The following TEKT5 variants were observed in gnomAD, a reference collection of about 807,000 sequenced individuals.
TEKT5 encodes the protein tektin 5, also known as tektin-5.
TEKT5 carries 52 observed loss-of-function variants against 48.7 expected under a neutral mutation model. The ratio of observed to expected loss-of-function variants is 1.07; its 90% CI spans 0.86 to 1.35. The LOEUF (loss-of-function observed/expected upper bound fraction) is 1.35. Ranked by LOEUF, TEKT5 falls within the 40% of genes most tolerant of loss-of-function variation. The pLI is 0.00. For missense variants in TEKT5, 831 were observed against 641.6 expected (o/e 1.30, Z -3.19); for synonymous variants, 318 against 267.6 (o/e 1.19, Z -1.84).
chr16:10,655,476 T>C lies in TEKT5; in HGVS notation c.1087-19558A>G, dbSNP rs73510045. On this transcript the variant is annotated intron_variant, in intron 5 of 6. Transcript: ENST00000283025. ...CCATATAGGATTATTGTGAGGGTTA[T>C]GTAAGATTATGTATGTTTATATGTT... 1.9e-3 allele frequency among the ~76,000 whole-genome samples: 293 copies of C among 152,356 alleles called. 4 individuals are homozygous for C. The highest frequency in any genetic ancestry group is 6.9e-3 in the African/African-American group (287 of 41,580).
At position 10,627,660 on chromosome 16, in the gene TEKT5, G is replaced by A; in HGVS notation, c.1381C>T (p.Leu461Phe). ...ATGCACTTCTCCTTGTCGATGCAGA[G>A]GGTGTTGGCCTTGATGGCGAGCTCG... ...EHELAIKANT[L>F]CIDKEKCMGM... Residue 461 changes from leucine to phenylalanine, a missense_variant, in exon 7 of 7, where the codon CTC becomes TTC. By Grantham distance (22) the Leu-to-Phe change is conservative. Coordinates refer to ENST00000283025, the MANE Select transcript of TEKT5 (RefSeq NM_144674.2). 6.2e-7 allele frequency: 1 copy of A among 1,614,218 alleles called. No individual in the cohort carries two copies. The highest frequency in any genetic ancestry group is 1.1e-5 in the South Asian group (1 of 91,088).
rs558517903 is a variant in TEKT5 at position 10,668,311 on chromosome 16, A to G, written c.1086+7648T>C. ...GTGTTAAAGAGAGGTCGGCATCATG[A>G]TGAGTCTTCCTCCGTGACACCATCA... On this transcript the variant is annotated intron_variant, in intron 5 of 6. Coordinates refer to ENST00000283025, the MANE Select transcript of TEKT5 (RefSeq NM_144674.2). Among the ~76,000 whole-genome samples, 6 of 152,326 alleles carry G rather than the reference A, an allele frequency of 3.9e-5. No homozygotes were observed. The South Asian group carries it at 1.2e-3, about 32-fold the overall frequency.
intron 1 of TEKT5, among the ~76,000 whole-genome samples, chr16:10,692,241 G>T (rs1379562574): frequency 2.6e-5 from 4 of 152,142 alleles, no homozygotes; most frequent in African/African-American, 4.8e-5. Flanking sequence ...AGTAGGTCTG[G>T]GATACTGCTG....
At position 10,627,765 on chromosome 16, in the gene TEKT5, G is replaced by T. The variant is rs773641728; in HGVS notation, c.1276C>A (p.Leu426Met). ...CGCAGCCGCAGCTTGAGGGTCTGCA[G>T]GGTGTCGTCGATGGTGAACACCTCG... is the stretch of plus-strand genomic sequence containing the variant. ...VNEVFTIDDT[L>M]QTLKLRLRET... Residue 426 changes from leucine (L) to methionine (M), a missense_variant, in exon 7 of 7, where the codon CTG (leucine) becomes ATG (methionine). Coordinates refer to ENST00000283025, the MANE Select transcript of TEKT5 (RefSeq NM_144674.2). 2 of 1,614,234 alleles carry T rather than the reference G, an allele frequency of 1.2e-6. No homozygotes were observed. Among genetic ancestry groups the T allele is most frequent in the Admixed American group, 3.3e-5 (2 of 60,036 alleles).
At chr16:10,630,560 G>C (rs1042415011) in intron 6 of TEKT5, among the ~76,000 whole-genome samples, 15 of 152,228 alleles carry the variant, frequency 9.9e-5, no homozygotes, top group African/African-American at 3.6e-4. Flanking sequence ...TGAAGGCCAA[G>C]AGGGAAAGTA....
intron 5 of TEKT5, among the ~76,000 whole-genome samples, chr16:10,659,505 G>C (rs1257620049): frequency 6.6e-6 from 1 of 151,856 alleles, no homozygotes; most frequent in East Asian, 1.9e-4. Context: ...TCAGCCTCCC[G>C]AGTAGCTGGG....
In TEKT5 at chr16:10,652,723, A is replaced by ACACC. The variant is rs1162904982; in HGVS notation, c.1087-16806_1087-16805insGGTG. Among the ~76,000 whole-genome samples the ACACC allele has an allele frequency of 6.4e-5, 4 of 62,538 alleles. 1 individual carries two copies. Among genetic ancestry groups the ACACC allele is most frequent in the Non-Finnish European group, 1.1e-4 (4 of 35,590 alleles). The allele number at this position is 62,538 out of a possible 152,430, so 41.0% of individuals were successfully genotyped here. A position where few individuals can be genotyped will look rare whatever the true frequency, so the allele number is the denominator to read the frequency against. On this transcript the variant is annotated intron_variant, in intron 5 of 6. Coordinates refer to ENST00000283025, the MANE Select transcript of TEKT5 (RefSeq NM_144674.2). ...CACACACACACACACACACACACAC[A>ACACC]CCCTCCAGGCCAGGTAGAGTGATCC...
chr16:10,631,493 A>G (rs1228337425), intron 6 of TEKT5, among the ~76,000 whole-genome samples: 2 of 152,084 alleles, frequency 1.3e-5, no homozygotes, highest in African/African-American at 4.8e-5. Context: ...GTGAATCCAC[A>G]TGGAGCGGAT....
intron 5 of TEKT5, among the ~76,000 whole-genome samples, chr16:10,647,220 A>G (rs993047157): frequency 6.6e-6 from 1 of 152,044 alleles, no homozygotes; most frequent in Non-Finnish European, 1.5e-5. Flanking sequence ...CTGTGGTCCC[A>G]GCACTTTGGG....
chr16:10,635,067 G>C (rs902095331), intron 6 of TEKT5, among the ~76,000 whole-genome samples: 1 of 152,186 alleles, frequency 6.6e-6, no homozygotes, highest in Non-Finnish European at 1.5e-5. Flanking sequence ...GGGGAGAACA[G>C]AGTGGCCAAG....
At chr16:10,638,864 C>T (rs1381117363) in intron 5 of TEKT5, among the ~76,000 whole-genome samples, 3 of 152,172 alleles carry the variant, frequency 2.0e-5, no homozygotes, top group Admixed American at 6.5e-5. Context: ...AAGAGACAGA[C>T]AAGACTATGA....
chr16:10,694,361 C>G lies in TEKT5; in HGVS notation c.513G>C (p.Thr171=). ...RLLTENQNLE[T]VKRRLECAAN... is the part of the protein sequence containing the mutation. ...CCGCGCACTCCAGCCGCCTCTTGACCGTCTCCAAGTTCTGGTTCTCAGTCA... is the reference window on the plus strand; with the variant it reads ...CCGCGCACTCCAGCCGCCTCTTGACGGTCTCCAAGTTCTGGTTCTCAGTCA... The change falls in exon 1 of 7, where the codon ACG becomes ACC. Residue 171 remains threonine (T), a synonymous_variant. Transcript: ENST00000283025. 6.2e-7 allele frequency: 1 copy of G among 1,613,176 alleles called. No individual in the cohort carries two copies. Among genetic ancestry groups the G allele is most frequent in the Non-Finnish European group, 8.5e-7 (1 of 1,179,514 alleles).
intron 5 of TEKT5, among the ~76,000 whole-genome samples, chr16:10,665,800 A>T (rs1218619724): frequency 6.6e-6 from 1 of 152,214 alleles, no homozygotes; most frequent in African/African-American, 2.4e-5. Flanking sequence ...CCTGGTGCTA[A>T]GGTGGGCATC....
chr16:10,690,037 A>G lies in TEKT5; in HGVS notation c.565-12T>C. 4.3e-6 allele frequency: 7 copies of G among 1,613,744 alleles called. No homozygotes were observed. Among genetic ancestry groups the G allele is most frequent in the Non-Finnish European group, 5.9e-6 (7 of 1,179,910 alleles). ...CACTCCAAGGCCACCTGTGGGAAGCAGCAGAAAGAACGTATTCTTCCTGTA... is the reference window on the plus strand; with the variant it reads ...CACTCCAAGGCCACCTGTGGGAAGCGGCAGAAAGAACGTATTCTTCCTGTA... On this transcript the variant is annotated splice_polypyrimidine_tract_variant and intron_variant, in intron 1 of 6. Transcript: ENST00000283025.
chr16:10,690,732 G>T, intron 1 of TEKT5: 3 of 985,402 alleles, frequency 3.0e-6, no homozygotes, highest in Non-Finnish European at 3.6e-6. Flanking sequence ...CAGAAGAGAG[G>T]ACAGGACAAG....
In TEKT5 at chr16:10,636,550, G is replaced by C. The variant is rs1310050236; in HGVS notation, c.1087-632C>G. On this transcript the variant is annotated intron_variant, in intron 5 of 6. Coordinates refer to ENST00000283025, the MANE Select transcript of TEKT5 (RefSeq NM_144674.2). Reference sequence around the variant, plus strand: ...CAGGAAGAAAGCAAAGTAAGGGAGTGAGGGAGAAGAAGAGGGAGAGGAAGG... The same window carrying C: ...CAGGAAGAAAGCAAAGTAAGGGAGTCAGGGAGAAGAAGAGGGAGAGGAAGG... Among the ~76,000 whole-genome samples, 4 of 152,030 alleles carry C rather than the reference G, an allele frequency of 2.6e-5. No individual in the cohort carries two copies. The East Asian group carries it at 7.7e-4, about 29-fold the overall frequency.
rs143464180 is a variant in TEKT5 at position 10,638,573 on chromosome 16, C to T, written c.1087-2655G>A. Among the ~76,000 whole-genome samples the T allele has an allele frequency of 3.3e-5, 5 of 152,280 alleles. No homozygotes were observed. In the East Asian group the frequency reaches 7.7e-4, roughly 23 times the overall value. On this transcript the variant is annotated intron_variant, in intron 5 of 6. Transcript: ENST00000283025. ...GTGCAACTCATGATCATGAAGAGTT[C>T]GATTTCATTTGCCCAGACACTCCAT... is the stretch of plus-strand genomic sequence containing the variant.
chr16:10,632,190 T>C (rs1431532758), intron 6 of TEKT5, among the ~76,000 whole-genome samples: 1 of 152,232 alleles, frequency 6.6e-6, no homozygotes, highest in Admixed American at 6.5e-5. Context: ...CTGTGCTATG[T>C]TGTCTGATAT....
At chr16:10,644,515 C>T (rs1898041646) in intron 5 of TEKT5, among the ~76,000 whole-genome samples, 1 of 152,190 alleles carries the variant, frequency 6.6e-6, no homozygotes, top group African/African-American at 2.4e-5. Context: ...GAAAGAGCTT[C>T]CCTGTCTACT....
Sources: allele counts gnomAD v4.1 joint callset (sites outside exome capture counted in the v4.1 genomes callset), GRCh38; gene constraint gnomAD v4.1.1; transcripts MANE v1.5; gene names NCBI Gene and HGNC (gene_info 2026-07-23, HGNC 2026-07-21).